Variants in ULK4 observed in about 807,000 individuals in gnomAD.
ULK4 encodes the protein inactive serine/threonine-protein kinase ULK4.
Under a neutral mutation model 160.6 loss-of-function variants are expected in ULK4, and 133 were observed. That is an observed-to-expected ratio of 0.83 (90% CI 0.72 to 0.96). The LOEUF (loss-of-function observed/expected upper bound fraction) is 0.96, where lower values mean the gene tolerates loss of function less well. Among genes scored for constraint, ULK4 ranks in the 40% least tolerant of loss-of-function variants. The probability of loss-of-function intolerance (pLI) is 0.00; values close to 1 mark genes in which losing one functional copy is unlikely to be tolerated. For missense variants in ULK4, 1,580 were observed against 1,499.5 expected (o/e 1.05, Z -0.89); for synonymous variants, 534 against 539.8 (o/e 0.99, Z 0.15).
intron 18 of ULK4, among the ~76,000 whole-genome samples, chr3:41,827,304 A>G (rs1472869041): frequency 2.6e-5 from 4 of 151,578 alleles, no homozygotes; most frequent in Non-Finnish European, 5.9e-5. Flanking sequence ...AGAAATAACT[A>G]AGATCAGAGC....
At chr3:41,461,880 T>A (rs2083693764) in intron 33 of ULK4, among the ~76,000 whole-genome samples, 1 of 152,078 alleles carries the variant, frequency 6.6e-6, no homozygotes, top group South Asian at 2.1e-4. Context: ...GAAACTGAAA[T>A]AAGAAACTGT....
chr3:41,592,043 A>G (rs185208333), intron 31 of ULK4, among the ~76,000 whole-genome samples: 178 of 152,328 alleles, frequency 1.2e-3, no homozygotes, highest in African/African-American at 4.1e-3. Flanking sequence ...CTGCAGGAAT[A>G]TATCAGAAAA....
intron 19 of ULK4, among the ~76,000 whole-genome samples, chr3:41,816,421 A>C (rs765488206): frequency 6.6e-6 from 1 of 152,204 alleles, no homozygotes; most frequent in Non-Finnish European, 1.5e-5. Flanking sequence ...CAAGTTTAAG[A>C]CTTCACAAGC....
intron 35 of ULK4, among the ~76,000 whole-genome samples, chr3:41,332,496 C>T (rs772795831): frequency 2.0e-5 from 3 of 152,186 alleles, no homozygotes; most frequent in African/African-American, 4.8e-5. Context: ...AACTGCTCAA[C>T]GGGTTAAGTC....
chr3:41,482,646 C>T (rs895784336), intron 32 of ULK4, among the ~76,000 whole-genome samples: 1 of 152,160 alleles, frequency 6.6e-6, no homozygotes, highest in African/African-American at 2.4e-5. Context: ...TTTAGATTAG[C>T]AGTCTCCAGT....
chr3:41,465,992 C>T (rs749675183), intron 32 of ULK4, among the ~76,000 whole-genome samples: 4 of 152,132 alleles, frequency 2.6e-5, no homozygotes, highest in Non-Finnish European at 5.9e-5. Flanking sequence ...GTTACTAATG[C>T]ATTCATTTTG....
Position 41,717,765 on chromosome 3 carries a change from G to A in ULK4, c.2418C>T (p.Leu806=), listed in dbSNP as rs748326034. The A allele has an allele frequency of 1.9e-6, 3 of 1,614,160 alleles. No homozygotes were observed. In the South Asian group the frequency reaches 3.3e-5, roughly 18 times the overall value. The change falls in exon 23 of 37, where the codon CTC becomes CTT. Residue 806 remains leucine (L), a synonymous_variant. Coordinates refer to ENST00000301831, the MANE Select transcript of ULK4 (RefSeq NM_017886.4). ...GCAGCTCCTGCACAATGTGACAGAT[G>A]AGAAGATCCAGGCATTTGGACAGGT... ...NEYLSKCLDL[L]ICHIVQELPR...
chr3:41,736,489 T>C (rs1394072869), intron 22 of ULK4, among the ~76,000 whole-genome samples: 1 of 152,020 alleles, frequency 6.6e-6, no homozygotes, highest in African/African-American at 2.4e-5. Flanking sequence ...ATAAATGTCT[T>C]CTTTTGAGAA....
chr3:41,492,063 A>C (rs1183741232), intron 32 of ULK4, among the ~76,000 whole-genome samples: 1 of 151,782 alleles, frequency 6.6e-6, no homozygotes, highest in Non-Finnish European at 1.5e-5. Context: ...ACATGAACTC[A>C]TCATTTTTTA....
intron 17 of ULK4, chr3:41,882,046 C>T: frequency 1.7e-6 from 1 of 598,818 alleles, no homozygotes; most frequent in East Asian, 2.8e-5. Context: ...CCCAGGGTGA[C>T]CAACAGGTCC....
intron 32 of ULK4, among the ~76,000 whole-genome samples, chr3:41,506,019 T>C (rs1333564095): frequency 6.6e-6 from 1 of 152,210 alleles, no homozygotes. Flanking sequence ...ATTATAAATA[T>C]ATGTTTGTCA....
intron 35 of ULK4, among the ~76,000 whole-genome samples, chr3:41,327,885 A>G (rs1437065040): frequency 1.3e-5 from 2 of 152,230 alleles, no homozygotes; most frequent in East Asian, 1.9e-4. Context: ...ACATGTCAGC[A>G]TTTATTTTCT....
chr3:41,250,422 T>C (rs898276277), intron 35 of ULK4, among the ~76,000 whole-genome samples: 1 of 152,246 alleles, frequency 6.6e-6, no homozygotes, highest in African/African-American at 2.4e-5. Context: ...TCTCATTTAA[T>C]CTTCTCAACA....
At chr3:41,856,556 TATATACAC>T (rs1478929465) in intron 17 of ULK4, among the ~76,000 whole-genome samples, 1 of 40,274 alleles carries the variant, frequency 2.5e-5, no homozygotes, top group Non-Finnish European at 4.0e-5. Flanking sequence ...TATGTGTATA[TATATACAC>T]ATATATATAT....
chr3:41,666,522 G>A (rs980832122), intron 29 of ULK4, among the ~76,000 whole-genome samples: 4 of 152,282 alleles, frequency 2.6e-5, no homozygotes, highest in East Asian at 1.9e-4. Flanking sequence ...CTCTTCCACT[G>A]CTTACCAGTA....
intron 32 of ULK4, among the ~76,000 whole-genome samples, chr3:41,514,170 T>C (rs1028615061): frequency 1.4e-4 from 21 of 152,176 alleles, no homozygotes; most frequent in African/African-American, 5.1e-4. Context: ...TAGATTTTGC[T>C]TGAAACAGGC....
At chr3:41,282,916 A>T (rs1007093502) in intron 35 of ULK4, among the ~76,000 whole-genome samples, 4 of 150,522 alleles carry the variant, frequency 2.7e-5, no homozygotes, top group Non-Finnish European at 5.9e-5. Context: ...CAAAGGGCTA[A>T]TATCTAGAAT....
chr3:41,610,166 C>A (rs1175306176), intron 31 of ULK4, among the ~76,000 whole-genome samples: 4 of 151,674 alleles, frequency 2.6e-5, no homozygotes, highest in Non-Finnish European at 5.9e-5. Context: ...CAGGCACACA[C>A]CACCACGCCT....
chr3:41,618,635 G>A (rs2033093850), intron 30 of ULK4, among the ~76,000 whole-genome samples: 2 of 152,044 alleles, frequency 1.3e-5, no homozygotes, highest in African/African-American at 2.4e-5. Flanking sequence ...CACTAAATAT[G>A]GAAAGGAAAA....
Sources: gnomAD v4.1 joint callset for allele counts (sites outside exome capture counted in the v4.1 genomes callset) on GRCh38, gnomAD v4.1.1 for gene constraint, MANE v1.5 for transcripts, NCBI Gene and HGNC (gene_info 2026-07-23, HGNC 2026-07-21) for gene names.